COBL: variants seen among roughly 807,000 people sequenced by gnomAD.
The protein encoded by COBL is protein cordon-bleu.
COBL carries 51 observed loss-of-function variants against 98.8 expected under a neutral mutation model. The observed-to-expected ratio is 0.52, with a 90% CI of 0.41 to 0.65. COBL has a LOEUF of 0.65. COBL is among the 30% of genes least tolerant of loss of function. COBL has a pLI of 0.00. For missense variants in COBL, 1,617 were observed against 1,617.5 expected, an observed-to-expected ratio of 1.00 and a Z score of 0.01; for synonymous variants, 634 against 651.7, an observed-to-expected ratio of 0.97 and a Z score of 0.41.
intron 2 of COBL, among the ~76,000 whole-genome samples, chr7:51,217,209 A>G (rs1201373452): frequency 6.6e-6 from 1 of 152,242 alleles, no homozygotes; most frequent in Non-Finnish European, 1.5e-5. Flanking sequence ...AAAAGAAATG[A>G]AAGCATTCTT....
chr7:51,133,533 C>G (rs1041855949), intron 6 of COBL, among the ~76,000 whole-genome samples: 8 of 152,214 alleles, frequency 5.3e-5, no homozygotes, highest in Non-Finnish European at 1.2e-4. Flanking sequence ...CCTACTGAAT[C>G]AGCGCTCAGG....
At chr7:51,263,859 C>T (rs543786526) in intron 1 of COBL, among the ~76,000 whole-genome samples, 8 of 152,272 alleles carry the variant, frequency 5.3e-5, no homozygotes, top group African/African-American at 1.4e-4. Context: ...AAACAGTTGA[C>T]ATAAGGACTA....
chr7:51,067,406 T>C (rs964379165), intron 7 of COBL, among the ~76,000 whole-genome samples: 1 of 152,250 alleles, frequency 6.6e-6, no homozygotes, highest in African/African-American at 2.4e-5. Context: ...TATGTATGCA[T>C]AGATGTTTAA....
intron 1 of COBL, among the ~76,000 whole-genome samples, chr7:51,247,259 C>A (rs1054794150): frequency 1.3e-5 from 2 of 152,114 alleles, no homozygotes; most frequent in Non-Finnish European, 2.9e-5. Flanking sequence ...AGCTTGGAGT[C>A]TCTCTTCTTT....
At chr7:51,248,746 T>C (rs566872277) in intron 1 of COBL, among the ~76,000 whole-genome samples, 7 of 152,192 alleles carry the variant, frequency 4.6e-5, no homozygotes, top group Non-Finnish European at 8.8e-5. Flanking sequence ...AAATATATTT[T>C]AACAACAAAA....
intron 8 of COBL, among the ~76,000 whole-genome samples, chr7:51,040,581 G>A (rs1789085266): frequency 6.6e-6 from 1 of 152,174 alleles, no homozygotes; most frequent in Admixed American, 6.5e-5. Context: ...TAGATAGGTG[G>A]CATATCTGCA....
Position 51,026,644 on chromosome 7 carries a change from C to A in COBL, c.3406G>T (p.Gly1136Cys). Residue 1136 changes from glycine to cysteine, a missense_variant, in exon 11 of 13, where the codon GGC becomes TGC. By Grantham distance (159) the Gly-to-Cys change is radical. Around this residue, in one of 3 missense-constraint regions of COBL, gnomAD observed 1,304 missense variants for 1,282.0 expected, o/e 1.02. Coordinates refer to ENST00000265136, the MANE Select transcript of COBL (RefSeq NM_015198.5). The stretch of plus-strand genomic sequence containing the variant: ...GTGTAGGACAGTTTCGCTGGCCTGC[C>A]CTCCCCGGTGTGTTCTGCCGTCTAG... ...LRKTAEHTGE[G>C]RPAKLSYTEA... 1 of 1,614,048 alleles carries A rather than the reference C, an allele frequency of 6.2e-7. No individual in the cohort carries two copies. The highest frequency in any genetic ancestry group is 8.5e-7 in the Non-Finnish European group (1 of 1,179,994).
chr7:51,182,383 G>A (rs1031605447), intron 5 of COBL, among the ~76,000 whole-genome samples: 1 of 151,754 alleles, frequency 6.6e-6, no homozygotes, highest in Non-Finnish European at 1.5e-5. Flanking sequence ...CCGGATTCAA[G>A]CGATTCTCCT....
chr7:51,185,897 T>A (rs955555110), intron 4 of COBL, among the ~76,000 whole-genome samples: 26 of 152,220 alleles, frequency 1.7e-4, no homozygotes, highest in African/African-American at 6.0e-4. Context: ...ACGCTCCTGA[T>A]ATCACGCTGT....
intron 1 of COBL, among the ~76,000 whole-genome samples, chr7:51,260,702 G>A (rs1380225183): frequency 6.6e-6 from 1 of 152,232 alleles, no homozygotes; most frequent in Admixed American, 6.5e-5. Flanking sequence ...AGATGGGAAA[G>A]GTTGTGGGAT....
chr7:51,088,472 G>T (rs775072097), intron 6 of COBL, among the ~76,000 whole-genome samples: 1 of 151,634 alleles, frequency 6.6e-6, no homozygotes, highest in Non-Finnish European at 1.5e-5. Flanking sequence ...TAGCATCATG[G>T]TCTTGTTTCC....
At chr7:51,315,585 T>C (rs1803479698) in intron 1 of COBL, among the ~76,000 whole-genome samples, 1 of 152,150 alleles carries the variant, frequency 6.6e-6, no homozygotes, top group Admixed American at 6.5e-5. Flanking sequence ...CCTCATTCCA[T>C]TTGCAAGACT....
chr7:51,182,966 T>G (rs1171279604), intron 5 of COBL, among the ~76,000 whole-genome samples: 1 of 152,152 alleles, frequency 6.6e-6, no homozygotes, highest in Admixed American at 6.5e-5. Context: ...CCTCCTCCCT[T>G]CCCAAACACC....
intron 2 of COBL, among the ~76,000 whole-genome samples, chr7:51,213,479 CA>C (rs935001377): frequency 4.6e-5 from 7 of 152,196 alleles, no homozygotes; most frequent in Non-Finnish European, 8.8e-5. Context: ...CTGTCTTCCA[CA>C]AAACCAGTCC....
chr7:51,126,452 A>T (rs1284375874), intron 6 of COBL, among the ~76,000 whole-genome samples: 2 of 152,102 alleles, frequency 1.3e-5, no homozygotes, highest in Admixed American at 6.5e-5. Flanking sequence ...GGGCCACTGT[A>T]CCCCTTTCAC....
chr7:51,114,112 A>G (rs904256274), intron 6 of COBL, among the ~76,000 whole-genome samples: 1 of 152,200 alleles, frequency 6.6e-6, no homozygotes, highest in East Asian at 1.9e-4. Flanking sequence ...CTCCACCTTT[A>G]TATGTGCAGG....
chr7:51,041,973 C>A (rs1382643594), intron 8 of COBL, among the ~76,000 whole-genome samples: 2 of 152,114 alleles, frequency 1.3e-5, no homozygotes, highest in African/African-American at 4.8e-5. Flanking sequence ...AAAAAGAGCA[C>A]TGGAACAGAA....
chr7:51,078,616 A>T (rs1401547265), intron 7 of COBL, among the ~76,000 whole-genome samples: 2 of 152,218 alleles, frequency 1.3e-5, no homozygotes, highest in Non-Finnish European at 2.9e-5. Context: ...AGAGGCTTAA[A>T]ACAGTAAGCA....
At chr7:51,138,170 G>C (rs1235320829) in intron 5 of COBL, among the ~76,000 whole-genome samples, 1 of 152,130 alleles carries the variant, frequency 6.6e-6, no homozygotes, top group Non-Finnish European at 1.5e-5. Flanking sequence ...GTTCCCATAG[G>C]AAACAGGTGA....
Sources: allele counts gnomAD v4.1 joint callset (sites outside exome capture counted in the v4.1 genomes callset), GRCh38; gene constraint gnomAD v4.1.1; regional missense constraint gnomAD v4.1.1; transcripts MANE v1.5; gene names NCBI Gene and HGNC (gene_info 2026-07-23, HGNC 2026-07-21).